PCNX1: variants seen among roughly 807,000 people sequenced by gnomAD.
PCNX1 encodes the protein pecanex-like protein 1.
In PCNX1, 78 loss-of-function variants were observed where a neutral mutation model predicts 242.2. The ratio of observed to expected loss-of-function variants is 0.32; its 90% CI spans 0.27 to 0.39. PCNX1 has a LOEUF of 0.39. Ranked by LOEUF, PCNX1 falls within the 10% of genes least tolerant of loss-of-function variation. PCNX1 has a pLI of 1.00. For missense variants in PCNX1, 2,581 were observed against 2,856.5 expected, an observed-to-expected ratio of 0.90 and a Z score of 2.20; for synonymous variants, 1,024 against 1,032.9, an observed-to-expected ratio of 0.99 and a Z score of 0.17.
Position 71,009,646 on chromosome 14 carries a change from C to T in PCNX1, c.2642C>T (p.Ser881Phe), listed in dbSNP as rs764093364. The T allele has an allele frequency of 6.3e-7, 1 of 1,582,964 alleles. No individual in the cohort carries two copies. Among genetic ancestry groups the T allele is most frequent in the East Asian group, 2.2e-5 (1 of 44,612 alleles). ...ATTTATTTGCTAGGTAAGTTCTCTT[C>T]TACGCTGTATGAGACTGGTGGCTGT... The part of the protein sequence containing the change: ...SLHDELGKFS[S>F]TLYETGGCDM... The change falls in exon 9 of 36, where the codon TCT becomes TTT. Residue 881 changes from serine (S) to phenylalanine (F), a missense_variant. By Grantham distance (155) the Ser-to-Phe change is radical. Transcript: ENST00000304743.
chr14:71,011,441 T>C (rs755457543), intron 9 of PCNX1, 51 bp from the exon 10 acceptor site: 1 of 961,752 alleles, frequency 1.0e-6, no homozygotes, highest in Non-Finnish European at 1.7e-6. Context: ...TTAAAGGATA[T>C]ATTTTTCTTT....
At chr14:71,020,604 C>T (rs556055315) in intron 12 of PCNX1, among the ~76,000 whole-genome samples, 32 of 152,296 alleles carry the variant, frequency 2.1e-4, no homozygotes, top group Non-Finnish European at 4.0e-4. Flanking sequence ...ATATCCTTCA[C>T]CCACTTTTGG....
intron 1 of PCNX1, among the ~76,000 whole-genome samples, chr14:70,922,614 T>A (rs1199879642): frequency 6.6e-6 from 1 of 152,158 alleles, no homozygotes; most frequent in Non-Finnish European, 1.5e-5. Context: ...CATATATGTA[T>A]GTACTTGAAA....
intron 25 of PCNX1, 116 bp from the exon 26 acceptor site, chr14:71,057,393 T>C: frequency 1.5e-6 from 1 of 669,264 alleles, no homozygotes; most frequent in Non-Finnish European, 2.6e-6. Flanking sequence ...ATGAATGTTA[T>C]TTTCCTTGTC....
chr14:71,023,111 TA>T, intron 12 of PCNX1, 88 bp from the exon 13 acceptor site: 1 of 954,308 alleles, frequency 1.0e-6, no homozygotes. Flanking sequence ...AATATTTACT[TA>T]AAATCATTCA....
At chr14:71,013,722 A>G (rs74618539) in intron 11 of PCNX1, among the ~76,000 whole-genome samples, 2,200 of 152,282 alleles carry the variant, frequency 0.014, 25 homozygotes, top group Middle Eastern at 0.034. Flanking sequence ...GGAGATGAGG[A>G]AAAAAGGACA....
In PCNX1 at chr14:70,949,245, ACG is replaced by A. The variant is rs1211615980; in HGVS notation, c.362+2123_362+2124del. ...TAGATATATGTATGTGTATATACAC[ACG>A]TGTATACACACACACGTGTATGCAC... On this transcript the variant is annotated intron_variant, in intron 2 of 35. Coordinates refer to ENST00000304743, the MANE Select transcript of PCNX1 (RefSeq NM_014982.3). Among the ~76,000 whole-genome samples, 230 of 116,060 alleles carry A rather than the reference ACG, an allele frequency of 2.0e-3. 1 individual carries two copies. The highest frequency in any genetic ancestry group is 6.9e-3 in the African/African-American group (211 of 30,432). 76.1% of individuals were successfully genotyped at this position (116,060 alleles called of 152,430 possible). A position where few individuals can be genotyped will look rare whatever the true frequency, so the allele number is the denominator to read the frequency against.
intron 16 of PCNX1, chr14:71,031,648 A>G: frequency 1.5e-6 from 1 of 663,604 alleles, no homozygotes; most frequent in East Asian, 2.9e-5. Context: ...TGTGGGTGGG[A>G]CGTCTCTCAC....
chr14:70,944,121 C>T (rs769746387), intron 1 of PCNX1, among the ~76,000 whole-genome samples: 1 of 152,216 alleles, frequency 6.6e-6, no homozygotes, highest in Non-Finnish European at 1.5e-5. Context: ...CCCCACTGGG[C>T]ATGGCCTAAC....
rs769757841 is a variant in PCNX1 at position 71,026,792 on chromosome 14, A to G, written c.3376A>G (p.Ile1126Val). 5.3e-6 allele frequency: 8 copies of G among 1,511,340 alleles called. No homozygotes were observed. The highest frequency in any genetic ancestry group is 3.4e-5 in the Admixed American group (2 of 59,682). 93.6% of individuals were successfully genotyped at this position (1,511,340 alleles called of 1,614,324 possible). Reference protein sequence around the residue: ...LVIVFTLCFPIVFFIGLLPQV... With the variant: ...LVIVFTLCFPVVFFIGLLPQV... The stretch of plus-strand genomic sequence containing the variant: ...TATAGTGTTTACACTCTGTTTCCCA[A>G]TAGTGTTTTTCATTGGTCTCCTGCC... The change falls in exon 15 of 36, where the codon ATA (isoleucine) becomes GTA (valine). Residue 1126 changes from isoleucine to valine, a missense_variant. Around this residue, in one of 9 missense-constraint regions of PCNX1, gnomAD observed 432 missense variants for 443.1 expected, o/e 0.97. Transcript: ENST00000304743.
intron 5 of PCNX1, among the ~76,000 whole-genome samples, chr14:70,974,455 T>G (rs1209189250): frequency 6.6e-6 from 1 of 152,190 alleles, no homozygotes; most frequent in Non-Finnish European, 1.5e-5. Context: ...TTCACTTAAT[T>G]ATTTTCTCAT....
At chr14:71,019,400 T>G (rs1483486874) in intron 12 of PCNX1, among the ~76,000 whole-genome samples, 2 of 152,146 alleles carry the variant, frequency 1.3e-5, no homozygotes, top group Admixed American at 6.6e-5. Context: ...GTTTGTTTTG[T>G]TTGTTTTATT....
At chr14:71,007,302 A>G (rs971082783) in intron 8 of PCNX1, among the ~76,000 whole-genome samples, 8 of 152,066 alleles carry the variant, frequency 5.3e-5, no homozygotes, top group African/African-American at 1.7e-4. Flanking sequence ...TAATGACATC[A>G]TATTCTTTTA....
chr14:70,995,602 G>T, intron 7 of PCNX1, 139 bp from the exon 8 acceptor site: 1 of 640,052 alleles, frequency 1.6e-6, no homozygotes, highest in Non-Finnish European at 2.7e-6. Flanking sequence ...TGTATATTTT[G>T]CAAAGTTTGT....
At chr14:71,052,764 CATG>C (rs2061074922) in intron 24 of PCNX1, among the ~76,000 whole-genome samples, 1 of 152,124 alleles carries the variant, frequency 6.6e-6, no homozygotes, top group South Asian at 2.1e-4. Flanking sequence ...CATCTTTGTG[CATG>C]AAGTATTTTC....
At chr14:71,085,328 A>G (rs1329776328) in intron 28 of PCNX1, among the ~76,000 whole-genome samples, 1 of 152,212 alleles carries the variant, frequency 6.6e-6, no homozygotes, top group Non-Finnish European at 1.5e-5. Flanking sequence ...CTTGAAGTTC[A>G]TTGAGATTCT....
chr14:71,102,208 C>T lies in PCNX1; in HGVS notation c.5808C>T (p.Phe1936=). The change falls in exon 31 of 36, where the codon TTC becomes TTT. Residue 1936 remains phenylalanine (F), a synonymous_variant. Transcript: ENST00000304743. ...IIMLNRRYLS[F]RVIKVNKECV... ...TGCTCAACAGACGCTACCTGAGCTTCAGGGTCATTAAAGTAAGTGTTTGAG... is the reference window on the plus strand; with the variant it reads ...TGCTCAACAGACGCTACCTGAGCTTTAGGGTCATTAAAGTAAGTGTTTGAG... The T allele has an allele frequency of 6.2e-7, 1 of 1,608,052 alleles. No individual in the cohort carries two copies. Among genetic ancestry groups the T allele is most frequent in the Non-Finnish European group, 8.5e-7 (1 of 1,174,596 alleles).
intron 27 of PCNX1, among the ~76,000 whole-genome samples, chr14:71,075,797 A>G (rs140658611): frequency 0.014 from 2,159 of 152,050 alleles, 24 homozygotes; most frequent in Middle Eastern, 0.034. Context: ...GAGGCATGAG[A>G]GTTGCTTGAA....
Position 71,035,205 on chromosome 14 carries a change from T to C in PCNX1, c.3775-860T>C, listed in dbSNP as rs141497176. Among the ~76,000 whole-genome samples, 118 of 152,116 alleles carry C rather than the reference T, an allele frequency of 7.8e-4. 1 individual carries two copies. Among genetic ancestry groups the C allele is most frequent in the African/African-American group, 2.7e-3 (112 of 41,504 alleles). ...ACACTGCACTCCAGCCTGGGCAACA[T>C]AGTGAGACCCTGTCTCAAAAACAAA... On this transcript the variant is annotated intron_variant, in intron 18 of 35. Transcript: ENST00000304743.
Sources: allele counts gnomAD v4.1 joint callset (sites outside exome capture counted in the v4.1 genomes callset), GRCh38; gene constraint gnomAD v4.1.1; regional missense constraint gnomAD v4.1.1; transcripts MANE v1.5; gene names NCBI Gene and HGNC (gene_info 2026-07-23, HGNC 2026-07-21).